GALNT18: variants seen among roughly 807,000 people sequenced by gnomAD.
GALNT18 encodes GalNAc-transferase 18.
A neutral mutation model predicts 69.5 loss-of-function variants in GALNT18; 44 were observed. The ratio of observed to expected loss-of-function variants is 0.63; its 90% CI spans 0.50 to 0.81. The LOEUF (loss-of-function observed/expected upper bound fraction) is 0.81, where lower values mean the gene tolerates loss of function less well. GALNT18 is among the 40% of genes least tolerant of loss of function. GALNT18 has a pLI of 0.00. For synonymous variants in GALNT18, 364 were observed against 318.2 expected, an observed-to-expected ratio of 1.14 and a Z score of -1.53; for missense variants, 715 against 810.0, an observed-to-expected ratio of 0.88 and a Z score of 1.42.
At chr11:11,300,746 A>G (rs377526607) in intron 9 of GALNT18, among the ~76,000 whole-genome samples, 1 of 152,306 alleles carries the variant, frequency 6.6e-6, no homozygotes, top group East Asian at 1.9e-4. Context: ...TCCTGAATGC[A>G]ATCAAGCTAA....
chr11:11,352,807 C>T, intron 6 of GALNT18: 1 of 1,614,190 alleles, frequency 6.2e-7, no homozygotes, highest in Non-Finnish European at 8.5e-7. Flanking sequence ...GTTCGTGACA[C>T]AGGGTCTTTT....
chr11:11,334,768 G>C (rs193220402), intron 7 of GALNT18, among the ~76,000 whole-genome samples: 132 of 152,238 alleles, frequency 8.7e-4, no homozygotes, highest in African/African-American at 3.0e-3. Context: ...TGTTATCCTA[G>C]CCTTTCTCTG....
chr11:11,616,409 T>G lies in GALNT18; in HGVS notation c.235+4950A>C, dbSNP rs1860051258. Among the ~76,000 whole-genome samples the G allele has an allele frequency of 6.6e-6, 1 of 152,214 alleles. No homozygotes were observed. Among genetic ancestry groups the G allele is most frequent in the South Asian group, 2.1e-4 (1 of 4,832 alleles). On this transcript the variant is annotated intron_variant, in intron 1 of 10. Transcript: ENST00000227756. This position sits in a 1 kb window ranked among gnomAD's most constrained non-coding sequence, Gnocchi z 4.4. Reference sequence around the variant, plus strand: ...CTGAAAAAACAATCTTTCATAAAAATGTTCAGACTCTTTGAGTCAGTACTA... The same window carrying G: ...CTGAAAAAACAATCTTTCATAAAAAGGTTCAGACTCTTTGAGTCAGTACTA...
chr11:11,301,215 GAC>G (rs1159229909), intron 9 of GALNT18, among the ~76,000 whole-genome samples: 1 of 152,204 alleles, frequency 6.6e-6, no homozygotes, highest in African/African-American at 2.4e-5. Flanking sequence ...CAGGGTGCCA[GAC>G]ACAGAGGGCG....
At chr11:11,352,214 G>T (rs762341609) in intron 6 of GALNT18, 58 of 1,613,776 alleles carry the variant, frequency 3.6e-5, no homozygotes, top group Non-Finnish European at 4.8e-5. Flanking sequence ...GCAGCAGTTT[G>T]TCCAGGAAAT....
chr11:11,492,360 C>A (rs1027681277), intron 1 of GALNT18, among the ~76,000 whole-genome samples: 2 of 152,114 alleles, frequency 1.3e-5, no homozygotes, highest in African/African-American at 4.8e-5. Context: ...TAGAAACCAA[C>A]AATAACACTG....
intron 1 of GALNT18, among the ~76,000 whole-genome samples, chr11:11,477,888 G>C (rs1032092298): frequency 6.6e-6 from 1 of 152,154 alleles, no homozygotes; most frequent in Non-Finnish European, 1.5e-5. Flanking sequence ...GAGCATCAAG[G>C]AGAGGCTTTA....
Position 11,389,951 on chromosome 11 carries a change from G to A in GALNT18, c.596-10687C>T, listed in dbSNP as rs1054384076. Among the ~76,000 whole-genome samples, 7 of 152,078 alleles carry A rather than the reference G, an allele frequency of 4.6e-5. No individual in the cohort carries two copies. Among genetic ancestry groups the A allele is most frequent in the Non-Finnish European group, 7.4e-5 (5 of 68,016 alleles). On this transcript the variant is annotated intron_variant, in intron 3 of 10. Transcript: ENST00000227756. The surrounding 1 kb of genome is among the most constrained non-coding windows in gnomAD (Gnocchi z 4.3). ...AAGGCTTAGAGTTTAGAGTGCTGCCGAACTCAAAAATTTGATGATCCTAAA... is the reference window on the plus strand; with the variant it reads ...AAGGCTTAGAGTTTAGAGTGCTGCCAAACTCAAAAATTTGATGATCCTAAA...
At chr11:11,458,133 T>C (rs542677954) in intron 1 of GALNT18, among the ~76,000 whole-genome samples, 8 of 152,300 alleles carry the variant, frequency 5.3e-5, no homozygotes, top group African/African-American at 1.9e-4. Flanking sequence ...ATTCGCTCTC[T>C]TTGGGAAAGA....
chr11:11,527,635 A>G (rs1857551469), intron 1 of GALNT18, among the ~76,000 whole-genome samples: 1 of 152,178 alleles, frequency 6.6e-6, no homozygotes, highest in South Asian at 2.1e-4. Flanking sequence ...ACATTTTTAA[A>G]ACCCTAAGTC....
In GALNT18 at chr11:11,377,373, T is replaced by C. The variant is rs1589952002; in HGVS notation, c.786A>G (p.Glu262=). ...AHVEFNVGWA[E]PVLTRIKENR... ...TCTCCTTGATGCGGGTGAGTACAGG[T>C]TCAGCCCTGGGCAGAGAGGAGACAG... The change falls in exon 5 of 11, where the codon GAA becomes GAG. Residue 262 remains glutamate (E), a synonymous_variant. Transcript: ENST00000227756. The surrounding 1 kb of genome is among the most constrained non-coding windows in gnomAD (Gnocchi z 4.6). 1.9e-6 allele frequency: 3 copies of C among 1,613,456 alleles called. No individual in the cohort carries two copies. The South Asian group carries it at 3.3e-5, about 18-fold the overall frequency.
At chr11:11,405,073 A>G (rs1240656765) in intron 3 of GALNT18, among the ~76,000 whole-genome samples, 1 of 152,052 alleles carries the variant, frequency 6.6e-6, no homozygotes, top group African/African-American at 2.4e-5. Context: ...GAGAAGTCAG[A>G]CTCAGTTACC....
chr11:11,391,457 C>T (rs1275608857), intron 3 of GALNT18, among the ~76,000 whole-genome samples: 3 of 152,218 alleles, frequency 2.0e-5, no homozygotes, highest in East Asian at 3.8e-4. Context: ...TAATACATTT[C>T]CTGTCTATGG....
intron 1 of GALNT18, among the ~76,000 whole-genome samples, chr11:11,577,144 G>T (rs1021645312): frequency 6.6e-6 from 1 of 152,186 alleles, no homozygotes; most frequent in East Asian, 1.9e-4. Context: ...TCTGCAGTGC[G>T]GATGAAATGA....
chr11:11,290,699 A>G (rs1849281843), intron 10 of GALNT18, among the ~76,000 whole-genome samples: 1 of 152,124 alleles, frequency 6.6e-6, no homozygotes, highest in Admixed American at 6.5e-5. Context: ...CTGAGAAACC[A>G]CCAGCCCTGC....
chr11:11,565,777 A>C (rs2133989469), intron 1 of GALNT18, among the ~76,000 whole-genome samples: 1 of 152,336 alleles, frequency 6.6e-6, no homozygotes, highest in South Asian at 2.1e-4. Flanking sequence ...AACATCAGAA[A>C]ATCCAGTCGG....
At chr11:11,557,313 C>T (rs916528569) in intron 1 of GALNT18, among the ~76,000 whole-genome samples, 2 of 152,186 alleles carry the variant, frequency 1.3e-5, no homozygotes, top group South Asian at 2.1e-4. Flanking sequence ...GTAGTACCCG[C>T]ATTTTTAAAA....
At chr11:11,478,407 TA>T (rs1856447773) in intron 1 of GALNT18, among the ~76,000 whole-genome samples, 1 of 151,774 alleles carries the variant, frequency 6.6e-6, no homozygotes, top group East Asian at 1.9e-4. Flanking sequence ...AAAAAGGGAG[TA>T]AACCAAGAAA....
At chr11:11,412,983 C>T (rs1321501122) in intron 3 of GALNT18, among the ~76,000 whole-genome samples, 3 of 152,150 alleles carry the variant, frequency 2.0e-5, no homozygotes, top group African/African-American at 7.2e-5. Context: ...CAAGGGGGAT[C>T]ATTCTAAGGC....
Sources: allele counts gnomAD v4.1 joint callset (sites outside exome capture counted in the v4.1 genomes callset), GRCh38; gene constraint gnomAD v4.1.1; non-coding constraint Gnocchi (gnomAD v3.1); transcripts MANE v1.5; gene names NCBI Gene and HGNC (gene_info 2026-07-23, HGNC 2026-07-21).